MDH1: variants seen among roughly 807,000 people sequenced by gnomAD.
The protein encoded by MDH1 is malate dehydrogenase 1, also known as malate dehydrogenase, cytoplasmic.
Under a neutral mutation model 38.7 loss-of-function variants are expected in MDH1, and 15 were observed. The ratio of observed to expected loss-of-function variants is 0.39; its 90% CI spans 0.26 to 0.60. The LOEUF (loss-of-function observed/expected upper bound fraction) is 0.60, where lower values mean the gene tolerates loss of function less well. MDH1 is among the 20% of genes least tolerant of loss of function. MDH1 has a pLI of 0.56. For synonymous variants in MDH1, 144 were observed against 143.6 expected, an observed-to-expected ratio of 1.00 and a Z score of -0.02; for missense variants, 368 against 405.2, an observed-to-expected ratio of 0.91 and a Z score of 0.79.
chr2:63,599,342 T>G (rs951879805), intron 5 of MDH1, 50 bp downstream of exon 5: 1 of 1,558,252 alleles, frequency 6.4e-7, no homozygotes, highest in Non-Finnish European at 8.7e-7. Context: ...TTAAAACATT[T>G]TTCTCTCACT....
At chr2:63,604,659 T>C in intron 5 of MDH1, 37 bp from the exon 6 acceptor site, 1 of 1,535,066 alleles carries the variant, frequency 6.5e-7, no homozygotes, top group Middle Eastern at 1.7e-4. Context: ...ATAAAAACCA[T>C]TTGTCTCAGT....
intron 8 of MDH1, among the ~76,000 whole-genome samples, chr2:63,606,522 C>A (rs1709532990): frequency 6.6e-6 from 1 of 152,182 alleles, no homozygotes; most frequent in Non-Finnish European, 1.5e-5. Context: ...AAGGAAGATT[C>A]AGCTCTTCCC....
intron 5 of MDH1, among the ~76,000 whole-genome samples, chr2:63,602,934 CTTTTTTTTTTTTT>C (rs370479356): frequency 7.6e-6 from 1 of 131,618 alleles, no homozygotes; most frequent in Non-Finnish European, 1.7e-5. Flanking sequence ...TTTAACCGTT[CTTTTTTTTTTTTT>C]TTTTTTTTTT....
At chr2:63,594,400 A>G (rs1709262171) in intron 1 of MDH1, 88 bp from the exon 2 acceptor site, 1 of 982,416 alleles carries the variant, frequency 1.0e-6, no homozygotes, top group Non-Finnish European at 1.6e-6. Context: ...CTTTTAAAGT[A>G]TGTGGATTTC....
At chr2:63,602,154 T>A (rs958525848) in intron 5 of MDH1, among the ~76,000 whole-genome samples, 2 of 152,212 alleles carry the variant, frequency 1.3e-5, no homozygotes, top group Non-Finnish European at 2.9e-5. Flanking sequence ...AAACATAAAT[T>A]TTTAAGTAAA....
intron 1 of MDH1, chr2:63,593,441 G>C (rs1709240590): frequency 2.5e-6 from 1 of 397,138 alleles, no homozygotes; most frequent in African/African-American, 2.1e-5. Flanking sequence ...TTCTATGAGT[G>C]AGTACCAAAT....
rs1236162131 is a variant in MDH1 at position 63,599,446 on chromosome 2, A to G, written c.498+154A>G. On this transcript the variant is annotated intron_variant, in intron 5 of 8. Transcript: ENST00000233114. ...TTAAATTAAAAGTAAATTATTATTC[A>G]TTTGTTAGGGAGTCTTTAAATGTAT... 1.6e-5 allele frequency: 11 copies of G among 708,426 alleles called. No homozygotes were observed. The East Asian group carries it at 3.7e-4, about 24-fold the overall frequency. 43.9% of individuals were successfully genotyped at this position (708,426 alleles called of 1,614,324 possible).
intron 1 of MDH1, among the ~76,000 whole-genome samples, chr2:63,592,330 C>T (rs183296232): frequency 2.6e-5 from 4 of 152,188 alleles, no homozygotes; most frequent in African/African-American, 9.6e-5. Context: ...GAATAAAATA[C>T]CTTTTGTTTT....
intron 1 of MDH1, among the ~76,000 whole-genome samples, chr2:63,592,086 T>C (rs1047905417): frequency 6.6e-6 from 1 of 152,204 alleles, no homozygotes; most frequent in Admixed American, 6.5e-5. Flanking sequence ...AGAAAATTGG[T>C]GTATCCTTTT....
rs986343875 is a variant in MDH1, at chr2:63,601,446, A to G, written c.498+2154A>G. On this transcript the variant is annotated intron_variant, in intron 5 of 8. Transcript: ENST00000233114. ...TGATACCAGATAAGGTAATTTGACA[A>G]TGATACCAGTTAGCTTGTAAGAAAA... 3.3e-5 allele frequency among the ~76,000 whole-genome samples: 5 copies of G among 152,246 alleles called. No individual in the cohort carries two copies. In the East Asian group the frequency reaches 9.6e-4, roughly 29 times the overall value.
At chr2:63,591,745 A>C (rs1709205422) in intron 1 of MDH1, among the ~76,000 whole-genome samples, 1 of 152,210 alleles carries the variant, frequency 6.6e-6, no homozygotes, top group Non-Finnish European at 1.5e-5. Context: ...TTCATGGCCT[A>C]ATACAGAGCA....
At position 63,595,527 on chromosome 2, in the gene MDH1, GGGGAGTAGAGAA is replaced by G; in HGVS notation, c.199+13_199+24del. 6.5e-6 allele frequency: 10 copies of G among 1,547,684 alleles called. No individual in the cohort carries two copies. The highest frequency in any genetic ancestry group is 8.9e-6 in the Non-Finnish European group (10 of 1,119,624). On this transcript the variant is annotated intron_variant, in intron 3 of 8. Transcript: ENST00000233114. ...CCCTTCCCCTCCTGAAAGGTGGGTTGGGGAGTAGAGAAGGGATTTTATGGTATTTGATTTCTT... is the reference window on the plus strand; with the variant it reads ...CCCTTCCCCTCCTGAAAGGTGGGTTGGGGATTTTATGGTATTTGATTTCTT...
At position 63,594,734 on chromosome 2, in the gene MDH1, A is replaced by C. The variant is rs144006905; in HGVS notation, c.102+148A>C. On this transcript the variant is annotated intron_variant, in intron 2 of 8. Transcript: ENST00000233114. The stretch of plus-strand genomic sequence containing the variant: ...AGGCACATTGCTATAAATGGAAGCT[A>C]CTAAGGTATTTATATGTACGCCTCC... 1.3e-5 allele frequency: 8 copies of C among 612,318 alleles called. No homozygotes were observed. The East Asian group carries it at 2.4e-4, about 18-fold the overall frequency. 37.9% of individuals were successfully genotyped at this position (612,318 alleles called of 1,614,324 possible).
chr2:63,595,805 G>T (rs1224263446), intron 3 of MDH1, among the ~76,000 whole-genome samples: 1 of 152,106 alleles, frequency 6.6e-6, no homozygotes, highest in Non-Finnish European at 1.5e-5. Flanking sequence ...TTATACACCT[G>T]AAATTGTCTA....
In MDH1 at chr2:63,597,460, G is replaced by C; in HGVS notation, c.261G>C (p.Val87=). The change falls in exon 4 of 9, where the codon GTG becomes GTC. Residue 87 remains valine (V), a synonymous_variant. Transcript: ENST00000233114. ...AFKDLDVAIL[V]GSMPRREGME... ...AAGACCTGGATGTGGCCATTCTTGTGGGCTCCATGCCAAGAAGGGAAGGCA... is the reference window on the plus strand; with the variant it reads ...AAGACCTGGATGTGGCCATTCTTGTCGGCTCCATGCCAAGAAGGGAAGGCA... 6.6e-7 allele frequency: 1 copy of C among 1,506,762 alleles called. No homozygotes were observed. The highest frequency in any genetic ancestry group is 8.9e-7 in the Non-Finnish European group (1 of 1,120,764). The allele number at this position is 1,506,762 out of a possible 1,614,324, so 93.3% of individuals were successfully genotyped here.
rs189210907 is a variant in MDH1 at position 63,601,072 on chromosome 2, A to T, written c.498+1780A>T. Among the ~76,000 whole-genome samples, 38 of 152,226 alleles carry T rather than the reference A, an allele frequency of 2.5e-4. 1 individual carries two copies. Among genetic ancestry groups the T allele is most frequent in the Non-Finnish European group, 4.8e-4 (33 of 68,044 alleles). ...GCAGGGCTCAAGTCTGAATGAGCAA[A>T]GAGGAAAGAAAGTGCTATCTCCTCA... On this transcript the variant is annotated intron_variant, in intron 5 of 8. Transcript: ENST00000233114.
chr2:63,604,633 C>A, intron 5 of MDH1, 63 bp from the exon 6 acceptor site: 1 of 1,320,532 alleles, frequency 7.6e-7, no homozygotes, highest in Non-Finnish European at 1.1e-6. Flanking sequence ...TTTGTCAAAA[C>A]AGGTCCCAAT....
intron 2 of MDH1, 122 bp from the exon 3 acceptor site, chr2:63,595,301 A>G: frequency 2.8e-6 from 2 of 720,048 alleles, no homozygotes; most frequent in Non-Finnish European, 5.1e-6. Flanking sequence ...TAAAATAATC[A>G]TCATGACTAA....
At chr2:63,595,340 CA>C in intron 2 of MDH1, 82 bp from the exon 3 acceptor site, 1 of 861,122 alleles carries the variant, frequency 1.2e-6, no homozygotes, top group Non-Finnish European at 2.0e-6. Flanking sequence ...ATGTACATAC[CA>C]AATAAAAACT....
Sources: allele counts gnomAD v4.1 joint callset (sites outside exome capture counted in the v4.1 genomes callset), GRCh38; gene constraint gnomAD v4.1.1; transcripts MANE v1.5; gene names NCBI Gene and HGNC (gene_info 2026-07-23, HGNC 2026-07-21).